OPRM1: variants seen among roughly 807,000 people sequenced by gnomAD.
The protein encoded by OPRM1 is mu-type opioid receptor.
In OPRM1, 27 loss-of-function variants were observed where a neutral mutation model predicts 31.8. The observed-to-expected ratio is 0.85, with a 90% CI of 0.63 to 1.17. OPRM1 has a LOEUF of 1.17. OPRM1 is among the 50% of genes most tolerant of loss of function. The pLI is 0.00. For synonymous variants in OPRM1, 196 were observed against 189.9 expected (o/e 1.03, Z -0.26); for missense variants, 536 against 511.1 (o/e 1.05, Z -0.47).
intron 3 of OPRM1, among the ~76,000 whole-genome samples, chr6:154,181,611 A>G (rs973291699): frequency 3.9e-5 from 6 of 152,222 alleles, no homozygotes; most frequent in Non-Finnish European, 7.3e-5. Flanking sequence ...AACTGGACAG[A>G]CCAAGGCTCA....
At chr6:154,078,111 A>G (rs1042416011) in intron 1 of OPRM1, among the ~76,000 whole-genome samples, 1 of 151,914 alleles carries the variant, frequency 6.6e-6, no homozygotes, top group Non-Finnish European at 1.5e-5. Context: ...TAGTTCCTCT[A>G]CCTTTCTCAG....
chr6:154,116,607 A>G (rs1339351919), intron 3 of OPRM1, among the ~76,000 whole-genome samples: 1 of 151,822 alleles, frequency 6.6e-6, no homozygotes, highest in Non-Finnish European at 1.5e-5. Flanking sequence ...AAAAGAAAAG[A>G]AAAGAAAAGA....
At chr6:154,139,105 T>C (rs1318910322) in intron 3 of OPRM1, among the ~76,000 whole-genome samples, 1 of 152,262 alleles carries the variant, frequency 6.6e-6, no homozygotes, top group Non-Finnish European at 1.5e-5. Flanking sequence ...GGAGACTGAT[T>C]TGAGTAATAA....
At chr6:154,026,838 A>G (rs1042242211) in intron 1 of OPRM1, among the ~76,000 whole-genome samples, 5 of 152,152 alleles carry the variant, frequency 3.3e-5, no homozygotes, top group African/African-American at 1.2e-4. Context: ...ATCTGATAGA[A>G]TTCTGAATTT....
upstream of OPRM1, chr6:154,038,975 G>T (rs914925441): frequency 2.1e-5 from 13 of 617,150 alleles, no homozygotes; most frequent in African/African-American, 1.9e-4. Context: ...TGGCAGTAGG[G>T]ATGGAAGAGC....
At chr6:154,093,027 A>G (rs1164872597) in intron 3 of OPRM1, among the ~76,000 whole-genome samples, 1 of 152,204 alleles carries the variant, frequency 6.6e-6, no homozygotes, top group Non-Finnish European at 1.5e-5. Flanking sequence ...AAAAACAGCG[A>G]TTACTTTTGC....
At chr6:154,089,678 A>G in intron 1 of OPRM1, 148 bp from the exon 2 acceptor site, 1 of 611,290 alleles carries the variant, frequency 1.6e-6, no homozygotes, top group Non-Finnish European at 2.9e-6. Context: ...ACATCATTGT[A>G]AATAGCCAAG....
rs368847489 is a variant in OPRM1, at chr6:154,168,133, A to C, written c.1164+76661A>C. The C allele has an allele frequency of 1.0e-5, 15 of 1,501,100 alleles. No individual in the cohort carries two copies. In the African/African-American group the frequency reaches 1.4e-4, roughly 14 times the overall value. The allele number at this position is 1,501,100 out of a possible 1,614,324, so 93.0% of individuals were successfully genotyped here. A position where few individuals can be genotyped will look rare whatever the true frequency, so the allele number is the denominator to read the frequency against. ...TCTCTTCTATTTGAAAAAAAAAAAG[A>C]AAGCAGTAACAATAAACCCAGTGAA... On this transcript the variant is annotated intron_variant, in intron 3 of 3. Coordinates refer to the OPRM1 transcript ENST00000337049. The surrounding 1 kb of genome is among the most constrained non-coding windows in gnomAD (Gnocchi z 4.1).
chr6:154,207,535 C>G (rs1417772905), intron 3 of OPRM1, among the ~76,000 whole-genome samples: 1 of 150,820 alleles, frequency 6.6e-6, no homozygotes, highest in African/African-American at 2.4e-5. Flanking sequence ...AATTTCACCT[C>G]CTTCTGTGTT....
At chr6:154,214,146 T>G in intron 3 of OPRM1, 1 of 982,570 alleles carries the variant, frequency 1.0e-6, no homozygotes, top group South Asian at 1.3e-5. Context: ...GAACTTGACA[T>G]TGTTTTTTCA....
chr6:154,107,864 C>G (rs2128512520), intron 3 of OPRM1: 1 of 694,340 alleles, frequency 1.4e-6, no homozygotes, highest in East Asian at 2.7e-5. Context: ...GAAAAACGAC[C>G]TCATAACACA....
rs1323807953 is a variant in OPRM1 at position 154,039,536 on chromosome 6, G to A, written c.-9G>A. The stretch of plus-strand genomic sequence containing the variant: ...CTCGCACAGCGGTGCCCGCCCGGCC[G>A]TCAGTACCATGGACAGCAGCGCTGC... On this transcript the variant is annotated 5_prime_UTR_variant, in exon 1 of 4. Transcript: ENST00000330432. 2 of 1,606,464 alleles carry A rather than the reference G, an allele frequency of 1.2e-6. No homozygotes were observed. Among genetic ancestry groups the A allele is most frequent in the Non-Finnish European group, 8.5e-7 (1 of 1,176,646 alleles).
At position 154,180,408 on chromosome 6, in the gene OPRM1, A is replaced by T. The variant is rs1157592400; in HGVS notation, c.1165-66285A>T. Among the ~76,000 whole-genome samples, 140 of 39,500 alleles carry T rather than the reference A, an allele frequency of 3.5e-3. 1 individual carries two copies. Among genetic ancestry groups the T allele is most frequent in the African/African-American group, 5.9e-3 (63 of 10,618 alleles). The allele number at this position is 39,500 out of a possible 152,430, so 25.9% of individuals were successfully genotyped here. ...CAACTATATATATATATATATATAT[A>T]TATATATTTTTTTTTTAAACATGAT... On this transcript the variant is annotated intron_variant, in intron 3 of 3. Transcript: ENST00000337049.
intron 1 of OPRM1, among the ~76,000 whole-genome samples, chr6:154,049,058 T>C (rs768971722): frequency 2.0e-5 from 3 of 152,216 alleles, no homozygotes; most frequent in Non-Finnish European, 4.4e-5. Context: ...ATTCGTAACC[T>C]TGTTTTATGT....
chr6:154,102,715 A>T (rs538727939), intron 3 of OPRM1, among the ~76,000 whole-genome samples: 1 of 152,202 alleles, frequency 6.6e-6, no homozygotes, highest in African/African-American at 2.4e-5. Context: ...GGAGGCAGGC[A>T]GCAGAAATCA....
At chr6:154,144,231 T>C (rs976602014) in intron 3 of OPRM1, among the ~76,000 whole-genome samples, 4 of 152,220 alleles carry the variant, frequency 2.6e-5, no homozygotes, top group African/African-American at 9.6e-5. Flanking sequence ...TGAAGACTTC[T>C]ACTAAACGTT....
At chr6:154,097,059 G>GAGTT (rs796164507) in intron 3 of OPRM1, among the ~76,000 whole-genome samples, 4 of 152,274 alleles carry the variant, frequency 2.6e-5, no homozygotes, top group African/African-American at 9.6e-5. Flanking sequence ...TTCACCAAAT[G>GAGTT]AGTTATGTGT....
chr6:154,109,788 CTCTCTGTGTG>C lies in OPRM1; in HGVS notation c.1165-8893_1165-8884del, dbSNP rs1341974213. Among the ~76,000 whole-genome samples the C allele has an allele frequency of 7.7e-4, 80 of 103,906 alleles. No homozygotes were observed. The South Asian group carries it at 8.9e-3, about 12-fold the overall frequency. The allele number at this position is 103,906 out of a possible 152,430, so 68.2% of individuals were successfully genotyped here. On this transcript the variant is annotated intron_variant, in intron 3 of 3. Transcript: ENST00000330432. ...TCTCCCTCTCTCTCTCTCTCTCTCT[CTCTCTGTGTG>C]TGTGTGTGTGTGTGTGTGTGTGTGT...
chr6:154,100,866 G>T (rs1794732356), intron 3 of OPRM1, among the ~76,000 whole-genome samples: 1 of 148,224 alleles, frequency 6.7e-6, no homozygotes, highest in Admixed American at 6.8e-5. Context: ...TATATATTTA[G>T]GAGATTTTAT....
Sources: allele counts gnomAD v4.1 joint callset (sites outside exome capture counted in the v4.1 genomes callset), GRCh38; gene constraint gnomAD v4.1.1; non-coding constraint Gnocchi (gnomAD v3.1); transcripts MANE v1.5; gene names NCBI Gene and HGNC (gene_info 2026-07-23, HGNC 2026-07-21).